ATP9B: variants seen among roughly 807,000 people sequenced by gnomAD.
ATP9B encodes the protein probable phospholipid-transporting ATPase IIB.
Under a neutral mutation model 146.1 loss-of-function variants are expected in ATP9B, and 110 were observed. That is an observed-to-expected ratio of 0.75 (90% CI 0.65 to 0.88). The LOEUF (loss-of-function observed/expected upper bound fraction) is 0.88. Ranked by LOEUF, ATP9B falls within the 40% of genes least tolerant of loss-of-function variation. ATP9B has a pLI of 0.00. For missense variants in ATP9B, 1,499 were observed against 1,496.4 expected (o/e 1.00, Z -0.03); for synonymous variants, 604 against 569.7 (o/e 1.06, Z -0.86).
At chr18:79,083,633 C>G (rs1229283596) in intron 1 of ATP9B, among the ~76,000 whole-genome samples, 1 of 152,106 alleles carries the variant, frequency 6.6e-6, no homozygotes, top group Non-Finnish European at 1.5e-5. Flanking sequence ...AGCACAGTCC[C>G]TCAGTGCTTC....
chr18:79,327,706 CT>C (rs2096762621), intron 15 of ATP9B, among the ~76,000 whole-genome samples: 5 of 129,462 alleles, frequency 3.9e-5, no homozygotes, highest in African/African-American at 1.3e-4. Flanking sequence ...TTAGTGTGCT[CT>C]CTCCATGGTT....
intron 1 of ATP9B, chr18:79,087,474 T>C (rs2073944492): frequency 6.6e-6 from 1 of 152,270 alleles, no homozygotes; most frequent in Non-Finnish European, 1.5e-5. Flanking sequence ...ATGAAGGAAA[T>C]ATGCACATTT....
At chr18:79,172,994 G>A (rs2095102771) in intron 7 of ATP9B, among the ~76,000 whole-genome samples, 1 of 152,166 alleles carries the variant, frequency 6.6e-6, no homozygotes, top group Non-Finnish European at 1.5e-5. Context: ...ATTCCCACCA[G>A]CAATGCCTGG....
chr18:79,265,528 T>C (rs1410160791), intron 12 of ATP9B, among the ~76,000 whole-genome samples: 1 of 152,224 alleles, frequency 6.6e-6, no homozygotes, highest in Non-Finnish European at 1.5e-5. Flanking sequence ...GCCTACTTTT[T>C]AGTGGGGTTG....
intron 17 of ATP9B, among the ~76,000 whole-genome samples, chr18:79,330,420 CTTT>C (rs749986034): frequency 1.4e-5 from 2 of 142,960 alleles, no homozygotes; most frequent in African/African-American, 5.1e-5. Context: ...ATAGTTTACC[CTTT>C]TTTTTTTTTT....
chr18:79,297,538 G>C (rs762028559), intron 13 of ATP9B, among the ~76,000 whole-genome samples: 1 of 152,198 alleles, frequency 6.6e-6, no homozygotes. Flanking sequence ...CTACTTTTTA[G>C]TGAGACAAAT....
At chr18:79,220,543 C>T (rs1225895626) in intron 11 of ATP9B, among the ~76,000 whole-genome samples, 1 of 152,040 alleles carries the variant, frequency 6.6e-6, no homozygotes, top group Non-Finnish European at 1.5e-5. Context: ...TGAGGCTACA[C>T]TGAGCCATGA....
At chr18:79,283,529 A>G (rs184569150) in intron 13 of ATP9B, among the ~76,000 whole-genome samples, 3 of 152,352 alleles carry the variant, frequency 2.0e-5, no homozygotes, top group Non-Finnish European at 2.9e-5. Context: ...AAGTATCCCA[A>G]TAATTGCATT....
At chr18:79,122,900 T>G (rs2094213481) in intron 4 of ATP9B, among the ~76,000 whole-genome samples, 2 of 152,188 alleles carry the variant, frequency 1.3e-5, no homozygotes, top group Non-Finnish European at 1.5e-5. Context: ...CTATTGTATA[T>G]TCTTCACTCT....
At chr18:79,116,971 T>C (rs1334709382) in intron 4 of ATP9B, among the ~76,000 whole-genome samples, 1 of 137,372 alleles carries the variant, frequency 7.3e-6, no homozygotes, top group African/African-American at 2.7e-5. Context: ...TAATGATTGA[T>C]CACAAAGTCT....
intron 21 of ATP9B, 29 bp from the exon 22 acceptor site, chr18:79,345,399 G>C: frequency 6.2e-7 from 1 of 1,610,134 alleles, no homozygotes; most frequent in East Asian, 2.2e-5. Flanking sequence ...TCGACCATAA[G>C]GCAAAATAAC....
At chr18:79,089,426 CT>C (rs2074127367) in intron 1 of ATP9B, among the ~76,000 whole-genome samples, 1 of 152,154 alleles carries the variant, frequency 6.6e-6, no homozygotes, top group Non-Finnish European at 1.5e-5. Context: ...TCCTGCTCCC[CT>C]TGGCCCACTG....
intron 14 of ATP9B, among the ~76,000 whole-genome samples, chr18:79,303,917 G>T (rs1372056947): frequency 3.3e-5 from 5 of 152,126 alleles, no homozygotes; most frequent in Non-Finnish European, 4.4e-5. Context: ...ATCGTAGAAG[G>T]CATAGTGTGC....
intron 8 of ATP9B, among the ~76,000 whole-genome samples, chr18:79,182,683 C>A (rs1166494350): frequency 1.3e-5 from 2 of 152,076 alleles, no homozygotes; most frequent in Non-Finnish European, 2.9e-5. Context: ...TGTAGAAGCC[C>A]TTGATTAATT....
At chr18:79,277,550 A>G (rs1303670420) in intron 13 of ATP9B, among the ~76,000 whole-genome samples, 1 of 152,138 alleles carries the variant, frequency 6.6e-6, no homozygotes, top group African/African-American at 2.4e-5. Context: ...TTTGTTTATT[A>G]TAGAATGATA....
chr18:79,225,635 G>GC (rs2095722802), intron 11 of ATP9B, among the ~76,000 whole-genome samples: 21 of 128,966 alleles, frequency 1.6e-4, no homozygotes, highest in South Asian at 8.3e-4. Context: ...CTGAGTGACT[G>GC]TTGGGTCCCG....
At chr18:79,308,266 C>T in intron 15 of ATP9B, among the ~76,000 whole-genome samples, 1 of 152,098 alleles carries the variant, frequency 6.6e-6, no homozygotes, top group East Asian at 1.9e-4. Flanking sequence ...CTCTAGAGAA[C>T]AGTCTAAGCG....
intron 12 of ATP9B, among the ~76,000 whole-genome samples, chr18:79,271,158 T>G (rs1170542289): frequency 3.9e-5 from 6 of 152,172 alleles, no homozygotes; most frequent in Non-Finnish European, 7.4e-5. Flanking sequence ...CCACACCCAC[T>G]CAGAAACATT....
At chr18:79,233,349 C>G (rs967676001) in intron 11 of ATP9B, among the ~76,000 whole-genome samples, 22 of 152,146 alleles carry the variant, frequency 1.4e-4, no homozygotes, top group Non-Finnish European at 3.1e-4. Context: ...AAGAATAGAG[C>G]AGAGTAATTT....
Sources: gnomAD v4.1 joint callset for allele counts (sites outside exome capture counted in the v4.1 genomes callset) on GRCh38, gnomAD v4.1.1 for gene constraint, MANE v1.5 for transcripts, NCBI Gene and HGNC (gene_info 2026-07-23, HGNC 2026-07-21) for gene names.